The following PIH1D2 variants were observed in gnomAD, a reference collection of about 807,000 sequenced individuals.
PIH1D2 encodes the protein PIH1 domain containing 2.
In PIH1D2, 25 loss-of-function variants were observed where a neutral mutation model predicts 31.2. The observed-to-expected ratio is 0.80, with a 90% CI of 0.58 to 1.12. PIH1D2 has a LOEUF of 1.12. Ranked by LOEUF, PIH1D2 falls within the 50% of genes most tolerant of loss-of-function variation. The pLI, the probability that PIH1D2 is intolerant of heterozygous loss-of-function variation, is 0.00. For synonymous variants in PIH1D2, 116 were observed against 119.9 expected (o/e 0.97, Z 0.21); for missense variants, 310 against 356.6 (o/e 0.87, Z 1.05).
rs1280596564 is a variant in PIH1D2 at position 112,070,249 on chromosome 11, G to A, written c.813+187C>T. Reference sequence around the variant, plus strand: ...TAGAAGTATTACGATCCACTGCATGGTTTGATCATTCTATTTTCCCTTTGC... The same window carrying A: ...TAGAAGTATTACGATCCACTGCATGATTTGATCATTCTATTTTCCCTTTGC... On this transcript the variant is annotated intron_variant, in intron 5 of 5. Coordinates refer to ENST00000280350, the MANE Select transcript of PIH1D2 (RefSeq NM_138789.4). 4 of 676,912 alleles carry A rather than the reference G, an allele frequency of 5.9e-6. No homozygotes were observed. In the Admixed American group the frequency reaches 1.2e-4, roughly 20 times the overall value. The allele number at this position is 676,912 out of a possible 1,614,324, so 41.9% of individuals were successfully genotyped here.
At chr11:112,061,247 A>G, downstream of PIH1D2, 1 of 1,560,414 alleles carries the variant, frequency 6.4e-7, no homozygotes, top group East Asian at 2.2e-5. Context: ...TGGTATCCTC[A>G]GGGGATTGGC....
the PIH1D2 span, among the ~76,000 whole-genome samples, chr11:112,052,934 TC>T: frequency 6.6e-6 from 1 of 152,076 alleles, no homozygotes; most frequent in East Asian, 1.9e-4. Flanking sequence ...CAAAACATAC[TC>T]CTATCACTCA....
chr11:112,059,952 A>G, downstream of PIH1D2: 1 of 1,613,844 alleles, frequency 6.2e-7, no homozygotes, highest in Non-Finnish European at 8.5e-7. Context: ...TGCAGGACTC[A>G]TCACACCTAT....
downstream of PIH1D2, among the ~76,000 whole-genome samples, chr11:112,059,264 C>CT (rs1446050738): frequency 6.6e-6 from 1 of 152,056 alleles, no homozygotes; most frequent in Non-Finnish European, 1.5e-5. Flanking sequence ...TTTCTTTCAG[C>CT]TGCATTCACG....
At chr11:112,065,796 C>A (rs1300028569), downstream of PIH1D2, among the ~76,000 whole-genome samples, 2 of 152,130 alleles carry the variant, frequency 1.3e-5, no homozygotes, top group Non-Finnish European at 2.9e-5. Context: ...GCCTGGCCAA[C>A]ATGATGAGAC....
At chr11:112,072,884 C>CA (rs202237607) in intron 2 of PIH1D2, 114 bp downstream of exon 2, 32,484 of 912,548 alleles carry the variant, frequency 0.036, 28 homozygotes, top group East Asian at 0.067. Context: ...CAAAACAAAA[C>CA]AAAACAAAAA....
At chr11:112,059,085 T>G (rs782007451), downstream of PIH1D2, among the ~76,000 whole-genome samples, 2 of 152,102 alleles carry the variant, frequency 1.3e-5, no homozygotes, top group African/African-American at 4.8e-5. Flanking sequence ...CCCTTACTTT[T>G]ACGTTCTTCT....
At chr11:112,062,623 T>C, downstream of PIH1D2, 3 of 1,433,662 alleles carry the variant, frequency 2.1e-6, no homozygotes. Flanking sequence ...TGGTTCTTTT[T>C]ATTTTAACCA....
At chr11:112,071,540 A>G (rs1167372564) in intron 3 of PIH1D2, 95 bp downstream of exon 3, 21 of 1,440,524 alleles carry the variant, frequency 1.5e-5, no homozygotes, top group Non-Finnish European at 2.0e-5. Context: ...ATTATCAACA[A>G]ATAAAGAGTT....
chr11:112,070,056 TCTAA>T (rs1395957392), intron 5 of PIH1D2: 22 of 336,512 alleles, frequency 6.5e-5, no homozygotes, highest in East Asian at 2.7e-4. Flanking sequence ...TAGGACTGAC[TCTAA>T]CTATTTGCTC....
chr11:112,071,335 G>T, intron 3 of PIH1D2, 52 bp from the exon 4 acceptor site: 1 of 1,539,520 alleles, frequency 6.5e-7, no homozygotes, highest in Non-Finnish European at 8.8e-7. Context: ...TTGCACTAAT[G>T]ATACTGTCAG....
At position 112,070,846 on chromosome 11, in the gene PIH1D2, A is replaced by G. The variant is rs1865087557; in HGVS notation, c.548-145T>C. 4.0e-6 allele frequency: 5 copies of G among 1,239,098 alleles called. 1 individual carries two copies. In the Admixed American group the frequency reaches 1.5e-4, roughly 37 times the overall value. 76.8% of individuals were successfully genotyped at this position (1,239,098 alleles called of 1,614,324 possible). On this transcript the variant is annotated intron_variant, in intron 4 of 5. Coordinates refer to ENST00000280350, the MANE Select transcript of PIH1D2 (RefSeq NM_138789.4). ...GGGAATCAAGCCAAAAGAATCTTAA[A>G]CCAAAGAATTTGATTGAAAATTTTT...
At chr11:112,065,955 G>T (rs1864910041), downstream of PIH1D2, among the ~76,000 whole-genome samples, 1 of 151,594 alleles carries the variant, frequency 6.6e-6, no homozygotes, top group Admixed American at 6.6e-5. Context: ...CCAAGATCGC[G>T]CCACTGCACT....
chr11:112,072,785 AC>A (rs1291637071), intron 2 of PIH1D2: 10 of 431,648 alleles, frequency 2.3e-5, no homozygotes, highest in African/African-American at 2.0e-4. Context: ...AATCGCTTAA[AC>A]CCGGGAGGCA....
downstream of PIH1D2, chr11:112,060,107 G>T: frequency 6.4e-7 from 1 of 1,556,664 alleles, no homozygotes; most frequent in Non-Finnish European, 8.8e-7. Flanking sequence ...TTATTTTTAA[G>T]GTTTGCATAA....
chr11:112,064,512 C>T (rs1555183650), downstream of PIH1D2: 1 of 283,782 alleles, frequency 3.5e-6, no homozygotes, highest in Non-Finnish European at 6.5e-6. Flanking sequence ...ATATAATTGG[C>T]AAAATATGGA....
chr11:112,072,118 T>A (rs1480314339), intron 2 of PIH1D2, among the ~76,000 whole-genome samples: 1 of 151,844 alleles, frequency 6.6e-6, no homozygotes, highest in African/African-American at 2.4e-5. Context: ...CAAAAACATT[T>A]AAAAAATAAT....
the PIH1D2 span, among the ~76,000 whole-genome samples, chr11:112,057,464 A>G: frequency 4.6e-5 from 7 of 152,264 alleles, no homozygotes; most frequent in African/African-American, 7.2e-5. Flanking sequence ...AGCTCTTGAA[A>G]GAAATGAAAA....
At chr11:112,059,915 T>C, downstream of PIH1D2, 2 of 1,609,016 alleles carry the variant, frequency 1.2e-6, no homozygotes. Flanking sequence ...ATCATGTTGT[T>C]GATGTCAGTG....
Sources: allele counts gnomAD v4.1 joint callset (sites outside exome capture counted in the v4.1 genomes callset), GRCh38; gene constraint gnomAD v4.1.1; transcripts MANE v1.5; gene names NCBI Gene and HGNC (gene_info 2026-07-23, HGNC 2026-07-21).